The following NEDD9 variants were observed in gnomAD, a reference collection of about 807,000 sequenced individuals.
NEDD9 encodes the protein enhancer of filamentation 1.
In NEDD9, 26 loss-of-function variants were observed where a neutral mutation model predicts 76.6. The ratio of observed to expected loss-of-function variants is 0.34; its 90% CI spans 0.25 to 0.47. The LOEUF (loss-of-function observed/expected upper bound fraction) is 0.47, where lower values mean the gene tolerates loss of function less well. NEDD9 is among the 20% of genes least tolerant of loss of function. The probability of loss-of-function intolerance (pLI) is 1.00; values close to 1 mark genes in which losing one functional copy is unlikely to be tolerated. For missense variants in NEDD9, 937 were observed against 1,058.5 expected (o/e 0.89, Z 1.59); for synonymous variants, 392 against 414.2 (o/e 0.95, Z 0.65).
At chr6:11,292,518 A>C (rs1760801506) in intron 3 of NEDD9, among the ~76,000 whole-genome samples, 1 of 152,194 alleles carries the variant, frequency 6.6e-6, no homozygotes, top group Admixed American at 6.5e-5. Flanking sequence ...TGACTCTTCC[A>C]CCAGCAGGAC....
intron 2 of NEDD9, among the ~76,000 whole-genome samples, chr6:11,308,275 C>T (rs1213017121): frequency 6.6e-6 from 1 of 151,588 alleles, no homozygotes; most frequent in African/African-American, 2.4e-5. Flanking sequence ...AGCAGGAAGA[C>T]CCAAGCAGTC....
chr6:11,281,228 A>T (rs1298975683), intron 3 of NEDD9, among the ~76,000 whole-genome samples: 6 of 152,186 alleles, frequency 3.9e-5, no homozygotes, highest in Non-Finnish European at 8.8e-5. Context: ...CAGAACCCTG[A>T]CTTCTTCCAC....
At chr6:11,260,097 G>C (rs899954525) in intron 3 of NEDD9, among the ~76,000 whole-genome samples, 1 of 151,958 alleles carries the variant, frequency 6.6e-6, no homozygotes, top group Non-Finnish European at 1.5e-5. Flanking sequence ...CCCAAAAAAC[G>C]GAAATTAAAT....
At chr6:11,307,265 A>T (rs1761211663) in intron 2 of NEDD9, among the ~76,000 whole-genome samples, 1 of 152,148 alleles carries the variant, frequency 6.6e-6, no homozygotes, top group South Asian at 2.1e-4. Context: ...GTCTCCTTTC[A>T]CTTCTACCAG....
chr6:11,382,001 G>A (rs1763071503), intron 1 of NEDD9: 1 of 152,244 alleles, frequency 6.6e-6, no homozygotes, highest in African/African-American at 2.4e-5. Context: ...TCTGGGGCAT[G>A]TGGAGGTCCT....
At chr6:11,191,345 C>T (rs1291588801) in intron 4 of NEDD9, 140 bp from the exon 5 acceptor site, 15 of 860,150 alleles carry the variant, frequency 1.7e-5, no homozygotes, top group East Asian at 2.7e-5. Flanking sequence ...CAAGGTTCCC[C>T]GTTATTCTGC....
At chr6:11,259,328 G>GTT (rs1760061565) in intron 3 of NEDD9, among the ~76,000 whole-genome samples, 10 of 151,960 alleles carry the variant, frequency 6.6e-5, no homozygotes, top group Admixed American at 6.5e-4. Context: ...GGGGCAGCAA[G>GTT]GGCTAATCTC....
chr6:11,366,585 A>G lies in NEDD9; in HGVS notation c.-214+15554T>C, dbSNP rs111454185. ...ATTAGAGGTTGGCACTTTAAAAGCA[A>G]TGTATGAGAGGTGGAAACCAAAACA... On this transcript the variant is annotated intron_variant, in intron 1 of 3. Coordinates refer to the NEDD9 transcript ENST00000397378. 3.9e-3 allele frequency among the ~76,000 whole-genome samples: 598 copies of G among 152,334 alleles called. 8 individuals carry two copies. Among genetic ancestry groups the G allele is most frequent in the African/African-American group, 0.014 (578 of 41,582 alleles).
intron 1 of NEDD9, among the ~76,000 whole-genome samples, chr6:11,368,439 A>G (rs1401097023): frequency 6.6e-6 from 1 of 152,210 alleles, no homozygotes; most frequent in African/African-American, 2.4e-5. Flanking sequence ...TGGATACGCT[A>G]CTAATCAACA....
chr6:11,368,285 C>T (rs943184826), intron 1 of NEDD9, among the ~76,000 whole-genome samples: 3 of 152,184 alleles, frequency 2.0e-5, no homozygotes, highest in Non-Finnish European at 2.9e-5. Context: ...ATAAAATAAA[C>T]ATAATTTAAT....
At chr6:11,349,201 C>A (rs542565922) in intron 1 of NEDD9, among the ~76,000 whole-genome samples, 4 of 152,250 alleles carry the variant, frequency 2.6e-5, no homozygotes, top group African/African-American at 9.6e-5. Context: ...GAGAAAGGCA[C>A]ATCAAAACTA....
At chr6:11,244,191 C>T (rs535430112) in intron 3 of NEDD9, among the ~76,000 whole-genome samples, 5 of 152,270 alleles carry the variant, frequency 3.3e-5, no homozygotes, top group African/African-American at 1.2e-4. Context: ...TGCTGTGGGT[C>T]TACCCTGCAG....
chr6:11,297,143 T>G (rs950663606), intron 3 of NEDD9, among the ~76,000 whole-genome samples: 59 of 152,094 alleles, frequency 3.9e-4, no homozygotes, highest in Middle Eastern at 6.8e-3. Context: ...TTTTTTTTTT[T>G]TTTTGGTTTT....
intron 3 of NEDD9, among the ~76,000 whole-genome samples, chr6:11,258,204 T>C (rs1055017047): frequency 6.6e-6 from 1 of 152,188 alleles, no homozygotes; most frequent in Non-Finnish European, 1.5e-5. Flanking sequence ...AACTGCATTT[T>C]TACAGGGCTC....
At position 11,232,626 on chromosome 6, in the gene NEDD9, G is replaced by A; in HGVS notation, c.-111C>T. ...CGCTAGATGAAAGCGAGAAGGTCCCGGGCAGAGCCGCTTGTCAGTCGCAGC... is the reference window on the plus strand; with the variant it reads ...CGCTAGATGAAAGCGAGAAGGTCCCAGGCAGAGCCGCTTGTCAGTCGCAGC... On this transcript the variant is annotated 5_prime_UTR_variant, in exon 1 of 7. Coordinates refer to ENST00000379446, the MANE Select transcript of NEDD9 (RefSeq NM_006403.4). The A allele has an allele frequency of 4.4e-6, 7 of 1,589,090 alleles. No individual in the cohort carries two copies. Among genetic ancestry groups the A allele is most frequent in the African/African-American group, 2.7e-5 (2 of 74,406 alleles).
intron 1 of NEDD9, among the ~76,000 whole-genome samples, chr6:11,349,274 T>A (rs1424314106): frequency 6.6e-6 from 1 of 152,174 alleles, no homozygotes; most frequent in Admixed American, 6.5e-5. Context: ...AAATAACAGA[T>A]GCTTGCAAGA....
At chr6:11,306,581 C>T (rs151221218) in intron 2 of NEDD9, among the ~76,000 whole-genome samples, 5 of 152,244 alleles carry the variant, frequency 3.3e-5, no homozygotes, top group South Asian at 2.1e-4. Context: ...CTATAACCTA[C>T]AGTTTTAGTC....
At chr6:11,195,851 G>A (rs928125905) in intron 2 of NEDD9, among the ~76,000 whole-genome samples, 1 of 152,228 alleles carries the variant, frequency 6.6e-6, no homozygotes, top group Non-Finnish European at 1.5e-5. Flanking sequence ...AAAATTAGCC[G>A]GGTGTGGTGA....
At chr6:11,218,253 C>T (rs747382310) in intron 1 of NEDD9, among the ~76,000 whole-genome samples, 7 of 152,150 alleles carry the variant, frequency 4.6e-5, no homozygotes, top group Non-Finnish European at 8.8e-5. Flanking sequence ...CAGTAAGAGC[C>T]GCAGAGGTTT....
Sources: allele counts gnomAD v4.1 joint callset (sites outside exome capture counted in the v4.1 genomes callset), GRCh38; gene constraint gnomAD v4.1.1; transcripts MANE v1.5; gene names NCBI Gene and HGNC (gene_info 2026-07-23, HGNC 2026-07-21).